The following RTP1 variants were observed in gnomAD, a reference collection of about 807,000 sequenced individuals.
RTP1 encodes the protein receptor transporter protein 1, also known as receptor-transporting protein 1.
A neutral mutation model predicts 27.1 loss-of-function variants in RTP1; 24 were observed. The observed-to-expected ratio is 0.89, with a 90% CI of 0.64 to 1.25. The LOEUF (loss-of-function observed/expected upper bound fraction) is 1.25, where lower values mean the gene tolerates loss of function less well. Among genes scored for constraint, RTP1 ranks in the 50% most tolerant of loss-of-function variants. The pLI is 0.00. For synonymous variants in RTP1, 148 were observed against 148.1 expected, an observed-to-expected ratio of 1.00 and a Z score of 0.00; for missense variants, 338 against 351.6, an observed-to-expected ratio of 0.96 and a Z score of 0.31.
Position 187,200,042 on chromosome 3 carries a change from T to G in RTP1, c.764T>G (p.Leu255Arg). Residue 255 changes from leucine to arginine, a missense_variant, in exon 2 of 2, where the codon CTG becomes CGG. Physicochemically the swap from Leu to Arg is moderately radical, Grantham distance 102. Transcript: ENST00000312295. ...WATVLLLIIY[L>R]QFSFRSSV The stretch of plus-strand genomic sequence containing the variant: ...ACGGTCCTGCTGCTGATCATCTACC[T>G]GCAGTTCTCTTTCCGTAGCTCCGTA... 6.6e-7 allele frequency: 1 copy of G among 1,516,110 alleles called. No homozygotes were observed. Among genetic ancestry groups the G allele is most frequent in the Non-Finnish European group, 8.8e-7 (1 of 1,131,142 alleles). The allele number at this position is 1,516,110 out of a possible 1,614,324, so 93.9% of individuals were successfully genotyped here.
In RTP1 at chr3:187,200,143, T is replaced by C. The variant is rs1034692127; in HGVS notation, c.*73T>C. The C allele has an allele frequency of 8.1e-6, 11 of 1,362,498 alleles. No individual in the cohort carries two copies. The African/African-American group carries it at 1.4e-4, about 18-fold the overall frequency. 84.4% of individuals were successfully genotyped at this position (1,362,498 alleles called of 1,614,324 possible). A position where few individuals can be genotyped will look rare whatever the true frequency, so the allele number is the denominator to read the frequency against. ...TGCGAGGGTAGAGGAGAGACGTGGG[T>C]TGAGAATAGTGTAAACTTCTAGCGC... On this transcript the variant is annotated 3_prime_UTR_variant, in exon 2 of 2. Transcript: ENST00000312295.
At chr3:187,198,134 G>A in intron 1 of RTP1, 1 of 204,764 alleles carries the variant, frequency 4.9e-6, no homozygotes. Flanking sequence ...AACCAGAGAA[G>A]AAGGGTTTGA....
intron 1 of RTP1, 164 bp from the exon 2 acceptor site, chr3:187,199,387 G>T: frequency 1.4e-6 from 1 of 694,250 alleles, no homozygotes. Context: ...CACTTGCAAG[G>T]CTGAGTGGCT....
chr3:187,199,634 G>A lies in RTP1; in HGVS notation c.356G>A (p.Arg119Gln), dbSNP rs771486488. 6.2e-7 allele frequency: 1 copy of A among 1,608,906 alleles called. No individual in the cohort carries two copies. The highest frequency in any genetic ancestry group is 1.7e-5 in the Admixed American group (1 of 59,928). The change falls in exon 2 of 2, where the codon CGG becomes CAG. Residue 119 changes from arginine (R) to glutamine (Q), a missense_variant. Physicochemically the swap from Arg to Gln is conservative, Grantham distance 43. Transcript: ENST00000312295. ...LFHMFLDRAQ[R>Q]AGSVRMRVFK... Reference sequence around the variant, plus strand: ...CACATGTTCCTGGACCGCGCCCAGCGGGCGGGCTCGGTGCGCATGCGCGTC... The same window carrying A: ...CACATGTTCCTGGACCGCGCCCAGCAGGCGGGCTCGGTGCGCATGCGCGTC...
chr3:187,197,692 G>A lies in RTP1; in HGVS notation c.177G>A (p.Pro59=), dbSNP rs114477801. The A allele has an allele frequency of 2.0e-4, 315 of 1,614,192 alleles. No individual in the cohort carries two copies. In the African/African-American group the frequency reaches 3.4e-3, roughly 17 times the overall value. The part of the protein sequence containing the change: ...VFYEKMEEAK[P]ADSWDLIIDP... ...ATGAGAAGATGGAGGAGGCAAAGCC[G>A]GCTGACAGCTGGGACCTCATCATAG... Residue 59 remains proline, a synonymous_variant, in exon 1 of 2, where the codon CCG becomes CCA. Transcript: ENST00000312295.
At position 187,200,237 on chromosome 3, in the gene RTP1, G is replaced by C; in HGVS notation, c.*167G>C. On this transcript the variant is annotated 3_prime_UTR_variant, in exon 2 of 2. Coordinates refer to ENST00000312295, the MANE Select transcript of RTP1 (RefSeq NM_153708.3). ...AGTTTTTCCATCTATAAAACTCAGGGTTTGGGCAAGATCATTGGTTTATCA... is the reference window on the plus strand; with the variant it reads ...AGTTTTTCCATCTATAAAACTCAGGCTTTGGGCAAGATCATTGGTTTATCA... The C allele has an allele frequency of 1.1e-5, 6 of 562,466 alleles. No homozygotes were observed. Among genetic ancestry groups the C allele is most frequent in the Non-Finnish European group, 1.6e-5 (6 of 364,218 alleles). The allele number at this position is 562,466 out of a possible 1,614,324, so 34.8% of individuals were successfully genotyped here.
Position 187,200,034 on chromosome 3 carries a change from C to G in RTP1, c.756C>G (p.Ile252Met). ...CLFWATVLLL[I>M]IYLQFSFRSS... ...TTTGGGCCACGGTCCTGCTGCTGAT[C>G]ATCTACCTGCAGTTCTCTTTCCGTA... Residue 252 changes from isoleucine (I) to methionine (M), a missense_variant, in exon 2 of 2, where the codon ATC becomes ATG. Coordinates refer to ENST00000312295, the MANE Select transcript of RTP1 (RefSeq NM_153708.3). The G allele has an allele frequency of 6.6e-7, 1 of 1,519,312 alleles. No homozygotes were observed. Among genetic ancestry groups the G allele is most frequent in the Non-Finnish European group, 8.8e-7 (1 of 1,132,666 alleles). The allele number at this position is 1,519,312 out of a possible 1,614,324, so 94.1% of individuals were successfully genotyped here.
In RTP1 at chr3:187,200,356, G is replaced by C; in HGVS notation, c.*286G>C. ...AAGCTAGTGGGTGTCTCCAACTCCT[G>C]ATCTAAACACCCATCCTCCAACTCC... On this transcript the variant is annotated 3_prime_UTR_variant, in exon 2 of 2. Coordinates refer to ENST00000312295, the MANE Select transcript of RTP1 (RefSeq NM_153708.3). 3.7e-6 allele frequency: 1 copy of C among 269,010 alleles called. No individual in the cohort carries two copies. The highest frequency in any genetic ancestry group is 5.4e-5 in the Admixed American group (1 of 18,618). 16.7% of individuals were successfully genotyped at this position (269,010 alleles called of 1,614,324 possible).
In RTP1 at chr3:187,201,235, G is replaced by A. The variant is rs751114534; in HGVS notation, c.*1165G>A. On this transcript the variant is annotated 3_prime_UTR_variant, in exon 2 of 2. Coordinates refer to ENST00000312295, the MANE Select transcript of RTP1 (RefSeq NM_153708.3). ...CTTACAAGGCTCTAAAATGAGATGT[G>A]ATATGGCTTGAAATGGGAGGAGACA... 1.2e-4 allele frequency: 18 copies of A among 152,214 alleles called. No homozygotes were observed. The highest frequency in any genetic ancestry group is 1.6e-4 in the Non-Finnish European group (11 of 68,038). The allele number at this position is 152,214 out of a possible 1,614,324, so 9.4% of individuals were successfully genotyped here.
Position 187,199,986 on chromosome 3 carries a change from C to T in RTP1, c.708C>T (p.Phe236=). 1 of 1,571,736 alleles carries T rather than the reference C, an allele frequency of 6.4e-7. No homozygotes were observed. The change falls in exon 2 of 2, where the codon TTC becomes TTT. Residue 236 remains phenylalanine (F), a synonymous_variant. Coordinates refer to ENST00000312295, the MANE Select transcript of RTP1 (RefSeq NM_153708.3). ...ACCAGACGGGCTCAGGCTGGAACTT[C>T]TGCTCTATCCCCTGGTGCTTGTTTT... ...SQDQTGSGWN[F]CSIPWCLFWA...
rs139640143 is a variant in RTP1, at chr3:187,199,317, G to A, written c.273-234G>A. On this transcript the variant is annotated intron_variant, in intron 1 of 1. Transcript: ENST00000312295. Reference sequence around the variant, plus strand: ...AGTTAGGCCTCTGGAAAGCACTGAGGAGGTAGAGCACTGCTGGATGCCCGG... The same window carrying A: ...AGTTAGGCCTCTGGAAAGCACTGAGAAGGTAGAGCACTGCTGGATGCCCGG... 3,023 of 509,584 alleles carry A rather than the reference G, an allele frequency of 5.9e-3. 61 individuals carry two copies. Among genetic ancestry groups the A allele is most frequent in the African/African-American group, 0.049 (2,615 of 52,978 alleles). The allele number at this position is 509,584 out of a possible 1,614,324, so 31.6% of individuals were successfully genotyped here. A position where few individuals can be genotyped will look rare whatever the true frequency, so the allele number is the denominator to read the frequency against.
chr3:187,198,744 G>C (rs184742585), intron 1 of RTP1: 31 of 152,358 alleles, frequency 2.0e-4, no homozygotes, highest in Admixed American at 2.0e-3. Flanking sequence ...GTGATTTCCA[G>C]GTCCCTCTAG....
Position 187,197,546 on chromosome 3 carries a change from T to C in RTP1, c.31T>C (p.Cys11Arg). The C allele has an allele frequency of 6.2e-7, 1 of 1,614,142 alleles. No homozygotes were observed. The highest frequency in any genetic ancestry group is 8.5e-7 in the Non-Finnish European group (1 of 1,179,984). ...GATTTTTAGACCGTGGAGACTGCGCTGCCCTGCCCTGCACCTACCCTCACT... is the reference window on the plus strand; with the variant it reads ...GATTTTTAGACCGTGGAGACTGCGCCGCCCTGCCCTGCACCTACCCTCACT... MRIFRPWRLR[C>R]PALHLPSLSV... Residue 11 changes from cysteine to arginine, a missense_variant, in exon 1 of 2, where the codon TGC becomes CGC. Coordinates refer to ENST00000312295, the MANE Select transcript of RTP1 (RefSeq NM_153708.3).
chr3:187,198,928 A>G (rs1307791862), intron 1 of RTP1, among the ~76,000 whole-genome samples: 1 of 152,152 alleles, frequency 6.6e-6, no homozygotes, highest in Admixed American at 6.5e-5. Flanking sequence ...AAGACCTGGA[A>G]GGCTGTGGGG....
At position 187,199,663 on chromosome 3, in the gene RTP1, A is replaced by C. The variant is rs1337844780; in HGVS notation, c.385A>C (p.Lys129Gln). The change falls in exon 2 of 2, where the codon AAG (lysine) becomes CAG (glutamine). Residue 129 changes from lysine (K) to glutamine (Q), a missense_variant. Physicochemically the swap from Lys to Gln is moderately conservative, Grantham distance 53 (BLOSUM62 1). Around this residue, in one of 3 missense-constraint regions of RTP1, gnomAD observed 252 missense variants for 231.5 expected, o/e 1.09. Transcript: ENST00000312295. ...GGGCTCGGTGCGCATGCGCGTCTTC[A>C]AGCAGCTGTGCTATGAGTGCGGCAC... ...RAGSVRMRVF[K>Q]QLCYECGTAR... is the part of the protein sequence containing the mutation. 2.5e-6 allele frequency: 4 copies of C among 1,610,110 alleles called. No homozygotes were observed. Among genetic ancestry groups the C allele is most frequent in the Non-Finnish European group, 3.4e-6 (4 of 1,176,800 alleles).
chr3:187,199,820 A>G lies in RTP1; in HGVS notation c.542A>G (p.Gln181Arg), dbSNP rs753538601. Reference sequence around the variant, plus strand: ...TACCGCATCCACGTGGCCAGCCGCCAGGACAACCGGCGGCACCGCGGAGAG... The same window carrying G: ...TACCGCATCCACGTGGCCAGCCGCCGGGACAACCGGCGGCACCGCGGAGAG... ...GQYRIHVASR[Q>R]DNRRHRGEFC... The change falls in exon 2 of 2, where the codon CAG becomes CGG. Residue 181 changes from glutamine (Q) to arginine (R), a missense_variant. Physicochemically the swap from Gln to Arg is conservative, Grantham distance 43. This residue lies in a region of RTP1 where 252 missense variants were observed against 231.5 expected (regional missense o/e 1.09). Transcript: ENST00000312295. The G allele has an allele frequency of 2.1e-5, 33 of 1,608,728 alleles. No homozygotes were observed. The African/African-American group carries it at 3.1e-4, about 15-fold the overall frequency.
Position 187,200,167 on chromosome 3 carries a change from G to T in RTP1, c.*97G>T, listed in dbSNP as rs1435874506. 17 of 1,080,152 alleles carry T rather than the reference G, an allele frequency of 1.6e-5. No homozygotes were observed. Among genetic ancestry groups the T allele is most frequent in the Non-Finnish European group, 2.2e-5 (17 of 784,744 alleles). 66.9% of individuals were successfully genotyped at this position (1,080,152 alleles called of 1,614,324 possible). A position where few individuals can be genotyped will look rare whatever the true frequency, so the allele number is the denominator to read the frequency against. On this transcript the variant is annotated 3_prime_UTR_variant, in exon 2 of 2. Coordinates refer to ENST00000312295, the MANE Select transcript of RTP1 (RefSeq NM_153708.3). ...GTTGAGAATAGTGTAAACTTCTAGC[G>T]CTGGTGATGTCACTGACTCAGTGGG...
In RTP1 at chr3:187,199,722, G is replaced by A. The variant is rs746560446; in HGVS notation, c.444G>A (p.Glu148=). ...ARLDESSMLE[E]NIEGLVDNLI... ...TGGACGAGTCCAGCATGCTGGAGGAGAACATCGAGGGCCTGGTGGACAACC... is the reference window on the plus strand; with the variant it reads ...TGGACGAGTCCAGCATGCTGGAGGAAAACATCGAGGGCCTGGTGGACAACC... The change falls in exon 2 of 2, where the codon GAG becomes GAA. Residue 148 remains glutamate (E), a synonymous_variant. Transcript: ENST00000312295. 14 of 1,613,444 alleles carry A rather than the reference G, an allele frequency of 8.7e-6. No homozygotes were observed. In the South Asian group the frequency reaches 8.8e-5, roughly 10 times the overall value.
In RTP1 at chr3:187,199,956, G is replaced by A; in HGVS notation, c.678G>A (p.Ser226=). ...TFSRAPSPTK[S]QDQTGSGWNF... ...CCCGGGCGCCCAGCCCCACCAAGTC[G>A]CAGGACCAGACGGGCTCAGGCTGGA... Residue 226 remains serine, a synonymous_variant, in exon 2 of 2, where the codon TCG becomes TCA. Coordinates refer to ENST00000312295, the MANE Select transcript of RTP1 (RefSeq NM_153708.3). 6.3e-7 allele frequency: 1 copy of A among 1,596,078 alleles called. No individual in the cohort carries two copies. The highest frequency in any genetic ancestry group is 2.2e-5 in the East Asian group (1 of 44,628).
Sources: allele counts gnomAD v4.1 joint callset (sites outside exome capture counted in the v4.1 genomes callset), GRCh38; gene constraint gnomAD v4.1.1; regional missense constraint gnomAD v4.1.1; transcripts MANE v1.5; gene names NCBI Gene and HGNC (gene_info 2026-07-23, HGNC 2026-07-21).